The following CSMD1 variants were observed in gnomAD, a reference collection of about 807,000 sequenced individuals.
CSMD1 encodes CUB and sushi domain-containing protein 1.
A neutral mutation model predicts 417.5 loss-of-function variants in CSMD1; 213 were observed. That is an observed-to-expected ratio of 0.51 (90% CI 0.46 to 0.57). The LOEUF is 0.57. CSMD1 is among the 20% of genes least tolerant of loss of function. CSMD1 has a pLI of 0.00. For missense variants in CSMD1, 6,923 were observed against 4,529.7 expected (o/e 1.53, Z -15.17); for synonymous variants, 2,862 against 1,736.8 (o/e 1.65, Z -16.11).
intron 25 of CSMD1, among the ~76,000 whole-genome samples, chr8:3,307,137 T>C (rs1206035409): frequency 6.6e-6 from 1 of 152,164 alleles, no homozygotes; most frequent in Non-Finnish European, 1.5e-5. Context: ...TATTTCTTCA[T>C]ATCTTGAGTC....
At chr8:3,685,458 C>T (rs949065562) in intron 7 of CSMD1, among the ~76,000 whole-genome samples, 6 of 152,242 alleles carry the variant, frequency 3.9e-5, no homozygotes, top group African/African-American at 1.2e-4. Context: ...AGGCTTTAAT[C>T]GGATGCTGCA....
At chr8:4,772,344 T>C (rs1231464207) in intron 1 of CSMD1, among the ~76,000 whole-genome samples, 1 of 152,222 alleles carries the variant, frequency 6.6e-6, no homozygotes, top group Admixed American at 6.5e-5. Context: ...GCTTTTTTTC[T>C]GACTCCATTC....
At chr8:4,221,167 C>T (rs566146660) in intron 3 of CSMD1, among the ~76,000 whole-genome samples, 8 of 152,212 alleles carry the variant, frequency 5.3e-5, no homozygotes, top group Admixed American at 3.9e-4. Context: ...AAGCTCCATC[C>T]GTGATTCTGC....
chr8:4,568,013 C>G (rs1367928408), intron 2 of CSMD1, among the ~76,000 whole-genome samples: 1 of 152,160 alleles, frequency 6.6e-6, no homozygotes, highest in Non-Finnish European at 1.5e-5. Context: ...AGGGCTGGAT[C>G]AGAGCCCATT....
At chr8:3,051,575 C>T (rs1811819384) in intron 50 of CSMD1, among the ~76,000 whole-genome samples, 1 of 152,128 alleles carries the variant, frequency 6.6e-6, no homozygotes, top group Non-Finnish European at 1.5e-5. Flanking sequence ...CAAACTTGCA[C>T]ATGTATCCCT....
intron 3 of CSMD1, among the ~76,000 whole-genome samples, chr8:4,036,808 A>G (rs1333193000): frequency 6.6e-6 from 1 of 152,250 alleles, no homozygotes; most frequent in Non-Finnish European, 1.5e-5. Context: ...TGGATGAGAA[A>G]AATAAATAGA....
At chr8:3,563,799 G>C (rs1036332353) in intron 10 of CSMD1, among the ~76,000 whole-genome samples, 11 of 152,080 alleles carry the variant, frequency 7.2e-5, no homozygotes, top group Admixed American at 6.5e-4. Flanking sequence ...TGAAGGGGGA[G>C]AATTTCTTGA....
At chr8:3,648,096 AAGG>A (rs1304009742) in intron 7 of CSMD1, among the ~76,000 whole-genome samples, 2 of 152,244 alleles carry the variant, frequency 1.3e-5, no homozygotes, top group Non-Finnish European at 2.9e-5. Flanking sequence ...TAGCTGCAGG[AAGG>A]AGGTGTCTCC....
chr8:3,587,906 A>G (rs1800674891), intron 8 of CSMD1, among the ~76,000 whole-genome samples: 2 of 152,152 alleles, frequency 1.3e-5, no homozygotes, highest in Non-Finnish European at 2.9e-5. Flanking sequence ...GCATCATAAG[A>G]ACATAATATG....
At chr8:3,378,483 G>A (rs547770589) in intron 18 of CSMD1, among the ~76,000 whole-genome samples, 16 of 152,210 alleles carry the variant, frequency 1.1e-4, no homozygotes, top group Middle Eastern at 3.4e-3. Context: ...GAAGAACACC[G>A]ATGTGAAAAT....
intron 1 of CSMD1, among the ~76,000 whole-genome samples, chr8:4,793,899 T>A (rs1797834212): frequency 6.6e-6 from 1 of 151,796 alleles, no homozygotes; most frequent in African/African-American, 2.4e-5. Flanking sequence ...AGGTAGCATG[T>A]CTGATGAATA....
Position 4,764,885 on chromosome 8 carries a change from A to ACAAAAAAAAAACAAAACAAAAC in CSMD1, c.86-127328_86-127327insGTTTTGTTTTGTTTTTTTTTTG, listed in dbSNP as rs1263324929. ...GAGACTCCATCTCAAAAAAAAAAAA[A>ACAAAAAAAAAACAAAACAAAAC]AAAAAAAAACAACAACAACAAAAAA... On this transcript the variant is annotated intron_variant, in intron 1 of 69. Coordinates refer to ENST00000635120, the MANE Select transcript of CSMD1 (RefSeq NM_033225.6). Among the ~76,000 whole-genome samples the ACAAAAAAAAAACAAAACAAAAC allele has an allele frequency of 4.8e-4, 36 of 74,788 alleles. 2 individuals are homozygous for ACAAAAAAAAAACAAAACAAAAC. Among genetic ancestry groups the ACAAAAAAAAAACAAAACAAAAC allele is most frequent in the Middle Eastern group, 7.6e-3 (1 of 132 alleles). The allele number at this position is 74,788 out of a possible 152,430, so 49.1% of individuals were successfully genotyped here. A position where few individuals can be genotyped will look rare whatever the true frequency, so the allele number is the denominator to read the frequency against.
intron 1 of CSMD1, among the ~76,000 whole-genome samples, chr8:4,701,485 A>C (rs1030947475): frequency 3.3e-5 from 5 of 152,030 alleles, no homozygotes; most frequent in African/African-American, 1.2e-4. Flanking sequence ...CCCCGACCCC[A>C]GCACAGAACA....
chr8:3,687,798 C>T lies in CSMD1; in HGVS notation c.1009+20616G>A, dbSNP rs75867253. 3.4e-3 allele frequency among the ~76,000 whole-genome samples: 516 copies of T among 152,302 alleles called. 13 individuals carry two copies. The East Asian group carries it at 0.075, about 22-fold the overall frequency. On this transcript the variant is annotated intron_variant, in intron 7 of 69. Coordinates refer to ENST00000635120, the MANE Select transcript of CSMD1 (RefSeq NM_033225.6). ...CTGTAAAAACACTTGATCTTTGCTC[C>T]ACTTAAGTCTCTCTCGAGAAAGGTA...
chr8:3,619,155 T>C (rs1043643973), intron 7 of CSMD1, among the ~76,000 whole-genome samples: 2 of 145,910 alleles, frequency 1.4e-5, no homozygotes, highest in African/African-American at 2.8e-5. Flanking sequence ...TTAGATTCTT[T>C]GGAATATTAA....
intron 12 of CSMD1, among the ~76,000 whole-genome samples, chr8:3,423,107 T>A (rs541556305): frequency 6.6e-6 from 1 of 152,068 alleles, no homozygotes; most frequent in Non-Finnish European, 1.5e-5. Context: ...TTGGGGTCAC[T>A]TATTATTACT....
intron 1 of CSMD1, among the ~76,000 whole-genome samples, chr8:4,759,923 T>C (rs1052887884): frequency 1.3e-5 from 2 of 152,240 alleles, no homozygotes; most frequent in Admixed American, 1.3e-4. Context: ...TTTGGGTATA[T>C]ACCTAAACAT....
intron 29 of CSMD1, among the ~76,000 whole-genome samples, chr8:3,217,533 G>T (rs10108166): frequency 0.18 from 26,814 of 152,022 alleles, 2,698 homozygotes; most frequent in Admixed American, 0.26. Context: ...GCATGATTTT[G>T]TTGGGGGCGT....
intron 30 of CSMD1, among the ~76,000 whole-genome samples, chr8:3,210,485 AATATGTAT>A (rs1199558453): frequency 6.7e-6 from 1 of 148,264 alleles, no homozygotes; most frequent in East Asian, 2.0e-4. Flanking sequence ...CATATATAGG[AATATGTAT>A]ATATGTATAT....
Sources: gnomAD v4.1 joint callset for allele counts (sites outside exome capture counted in the v4.1 genomes callset) on GRCh38, gnomAD v4.1.1 for gene constraint, MANE v1.5 for transcripts, NCBI Gene and HGNC (gene_info 2026-07-23, HGNC 2026-07-21) for gene names.